Variants in MAP4K1 observed in about 807,000 individuals in gnomAD.
MAP4K1 encodes the protein mitogen-activated protein kinase kinase kinase kinase 1.
A neutral mutation model predicts 122.8 loss-of-function variants in MAP4K1; 35 were observed. That is an observed-to-expected ratio of 0.29 (90% CI 0.22 to 0.38). The LOEUF (loss-of-function observed/expected upper bound fraction) is 0.38. Among genes scored for constraint, MAP4K1 ranks in the 10% least tolerant of loss-of-function variants. The pLI is 1.00. For synonymous variants in MAP4K1, 412 were observed against 421.3 expected, an observed-to-expected ratio of 0.98 and a Z score of 0.27; for missense variants, 791 against 1,072.6, an observed-to-expected ratio of 0.74 and a Z score of 3.67.
In MAP4K1 at chr19:38,597,174, C is replaced by T; in HGVS notation, c.1838-37G>A. The T allele has an allele frequency of 1.9e-6, 3 of 1,606,794 alleles. No homozygotes were observed. Among genetic ancestry groups the T allele is most frequent in the Non-Finnish European group, 1.7e-6 (2 of 1,173,446 alleles). ...GCAAGGATGAGTCAAGATCAATGCC[C>T]TCTATCCTCCTCGCCACCCACACTA... is the stretch of plus-strand genomic sequence containing the variant. On this transcript the variant is annotated intron_variant, in intron 24 of 30. Transcript: ENST00000396857. The surrounding 1 kb of genome is among the most constrained non-coding windows in gnomAD (Gnocchi z 4.6).
At chr19:38,614,551 G>T in intron 4 of MAP4K1, 106 bp from the exon 5 acceptor site, 2 of 1,224,382 alleles carry the variant, frequency 1.6e-6, no homozygotes, top group Non-Finnish European at 2.4e-6. Flanking sequence ...ATAGGGAGAG[G>T]GGAAATAGGA....
intron 30 of MAP4K1, among the ~76,000 whole-genome samples, chr19:38,590,965 TCACACACA>T (rs58402161): frequency 0.022 from 2,961 of 137,376 alleles, 87 homozygotes; most frequent in African/African-American, 0.069. Flanking sequence ...CATTAAAAAA[TCACACACA>T]CACACACACA....
chr19:38,601,984 C>T (rs1364016901), intron 19 of MAP4K1, among the ~76,000 whole-genome samples: 1 of 151,990 alleles, frequency 6.6e-6, no homozygotes, highest in Non-Finnish European at 1.5e-5. Flanking sequence ...TGCCATGTTG[C>T]CCAGGCTGGT....
intron 19 of MAP4K1, among the ~76,000 whole-genome samples, chr19:38,602,639 CCT>C (rs1459227379): frequency 7.3e-6 from 1 of 137,114 alleles, no homozygotes; most frequent in African/African-American, 2.9e-5. Flanking sequence ...TATATACACA[CCT>C]ATACATATAT....
intron 30 of MAP4K1, among the ~76,000 whole-genome samples, chr19:38,591,981 A>T (rs918243884): frequency 1.3e-5 from 2 of 151,564 alleles, no homozygotes; most frequent in Non-Finnish European, 2.9e-5. Context: ...AAAAAAAAAA[A>T]AAAAATGCAG....
chr19:38,597,304 C>T lies in MAP4K1; in HGVS notation c.1837+22G>A. On this transcript the variant is annotated intron_variant, in intron 24 of 30. Coordinates refer to ENST00000396857, the MANE Select transcript of MAP4K1 (RefSeq NM_001042600.3). The surrounding 1 kb of genome is among the most constrained non-coding windows in gnomAD (Gnocchi z 4.6). ...GGCCTGGCCCCGCCCACTCTCTGCACACCCGTGAAGCTCTCTCTCACCCAC... is the reference window on the plus strand; with the variant it reads ...GGCCTGGCCCCGCCCACTCTCTGCATACCCGTGAAGCTCTCTCTCACCCAC... 1.2e-6 allele frequency: 2 copies of T among 1,613,868 alleles called. No individual in the cohort carries two copies. Among genetic ancestry groups the T allele is most frequent in the Non-Finnish European group, 1.7e-6 (2 of 1,179,994 alleles).
At chr19:38,595,421 A>G in intron 29 of MAP4K1, 64 bp downstream of exon 29, 1 of 1,555,686 alleles carries the variant, frequency 6.4e-7, no homozygotes, top group South Asian at 1.1e-5. Context: ...CTCGGAGCCC[A>G]TCTGATGAAT....
chr19:38,595,599 T>A, intron 28 of MAP4K1, 41 bp downstream of exon 28: 1 of 1,613,778 alleles, frequency 6.2e-7, no homozygotes, highest in Non-Finnish European at 8.5e-7. Context: ...ATCACTTGAG[T>A]TTCCACCCCT....
Position 38,611,961 on chromosome 19 carries a change from A to G in MAP4K1, c.665+650T>C, listed in dbSNP as rs902619341. On this transcript the variant is annotated intron_variant, in intron 9 of 30. Transcript: ENST00000396857. ...CAAAACATACAAAAATTAGCCAGGCATGGTGGCGTGCACCTGTAATCCCAC... is the reference window on the plus strand; with the variant it reads ...CAAAACATACAAAAATTAGCCAGGCGTGGTGGCGTGCACCTGTAATCCCAC... Among the ~76,000 whole-genome samples, 3 of 151,854 alleles carry G rather than the reference A, an allele frequency of 2.0e-5. No individual in the cohort carries two copies. The East Asian group carries it at 5.8e-4, about 29-fold the overall frequency.
chr19:38,594,957 TTATCTATC>T (rs4018120), intron 29 of MAP4K1, among the ~76,000 whole-genome samples: 2,473 of 146,634 alleles, frequency 0.017, 38 homozygotes, highest in African/African-American at 0.037. Context: ...TAAATAAATT[TTATCTATC>T]TATCTATCTA....
At chr19:38,599,163 T>C (rs1974983703) in intron 22 of MAP4K1, among the ~76,000 whole-genome samples, 1 of 141,776 alleles carries the variant, frequency 7.1e-6, no homozygotes, top group Non-Finnish European at 1.5e-5. Context: ...ACCCCATCTC[T>C]ACTAAAAATA....
At chr19:38,605,519 C>A in intron 18 of MAP4K1, 28 bp from the exon 19 acceptor site, 1 of 1,539,568 alleles carries the variant, frequency 6.5e-7, no homozygotes, top group South Asian at 1.2e-5. Context: ...AAAATCAGCC[C>A]CCAAGAACCC....
In MAP4K1 at chr19:38,597,204, C is replaced by T. The variant is rs2144704026; in HGVS notation, c.1838-67G>A. ...TCCTCCTCGCCACCCACACTACCAC[C>T]CATCTTCTGGGTTCTGGACACATTG... On this transcript the variant is annotated intron_variant, in intron 24 of 30. Coordinates refer to ENST00000396857, the MANE Select transcript of MAP4K1 (RefSeq NM_001042600.3). The surrounding 1 kb of genome is among the most constrained non-coding windows in gnomAD (Gnocchi z 4.6). The T allele has an allele frequency of 6.3e-7, 1 of 1,596,876 alleles. No homozygotes were observed. Among genetic ancestry groups the T allele is most frequent in the Non-Finnish European group, 8.6e-7 (1 of 1,164,744 alleles).
chr19:38,598,774 G>A (rs1476006060), intron 22 of MAP4K1, among the ~76,000 whole-genome samples: 1 of 152,120 alleles, frequency 6.6e-6, no homozygotes, highest in Non-Finnish European at 1.5e-5. Context: ...AGCACTTTGG[G>A]GGGCTGAGAC....
intron 11 of MAP4K1, among the ~76,000 whole-genome samples, chr19:38,610,372 ATTTTTTTTTT>A (rs35103992): frequency 1.8e-4 from 14 of 76,196 alleles, no homozygotes; most frequent in South Asian, 5.2e-4. Flanking sequence ...CGCCCAGCTA[ATTTTTTTTTT>A]TTTTTTTTTT....
In MAP4K1 at chr19:38,597,664, T is replaced by C; in HGVS notation, c.1670-70A>G. ...CCCATATACCACTTCCTTTCCTCCA[T>C]CCCTTCCCTCAGCCCCATCCCTTTG... On this transcript the variant is annotated intron_variant, in intron 22 of 30. Transcript: ENST00000396857. This position sits in a 1 kb window ranked among gnomAD's most constrained non-coding sequence, Gnocchi z 4.6. The C allele has an allele frequency of 9.9e-7, 1 of 1,008,284 alleles. No individual in the cohort carries two copies. Among genetic ancestry groups the C allele is most frequent in the Non-Finnish European group, 1.5e-6 (1 of 682,700 alleles). 62.5% of individuals were successfully genotyped at this position (1,008,284 alleles called of 1,614,324 possible). A position where few individuals can be genotyped will look rare whatever the true frequency, so the allele number is the denominator to read the frequency against.
At position 38,617,940 on chromosome 19, in the gene MAP4K1, C is replaced by T. The variant is rs762563379; in HGVS notation, c.-45G>A. ...GCCTGCGCCCAGGGGCCAGCAGGGC[C>T]TCAGGGCTCAACTTCTGGCACCTCC... is the stretch of plus-strand genomic sequence containing the variant. On this transcript the variant is annotated 5_prime_UTR_variant, in exon 1 of 31. Coordinates refer to ENST00000396857, the MANE Select transcript of MAP4K1 (RefSeq NM_001042600.3). The surrounding 1 kb of genome is among the most constrained non-coding windows in gnomAD (Gnocchi z 4.1). 2 of 1,544,062 alleles carry T rather than the reference C, an allele frequency of 1.3e-6. No individual in the cohort carries two copies. Among genetic ancestry groups the T allele is most frequent in the Admixed American group, 1.7e-5 (1 of 59,690 alleles).
intron 4 of MAP4K1, 51 bp from the exon 5 acceptor site, chr19:38,614,496 C>A (rs1975590247): frequency 6.2e-7 from 1 of 1,609,470 alleles, no homozygotes; most frequent in African/African-American, 1.3e-5. Context: ...GCCAGGGAAC[C>A]TGGGCTGGGG....
intron 29 of MAP4K1, among the ~76,000 whole-genome samples, chr19:38,595,189 C>T (rs893092748): frequency 1.4e-5 from 2 of 146,032 alleles, no homozygotes; most frequent in African/African-American, 2.5e-5. Flanking sequence ...CTTGGGAGGC[C>T]GAGGCAGGAG....
Sources: allele counts gnomAD v4.1 joint callset (sites outside exome capture counted in the v4.1 genomes callset), GRCh38; gene constraint gnomAD v4.1.1; non-coding constraint Gnocchi (gnomAD v3.1); transcripts MANE v1.5; gene names NCBI Gene and HGNC (gene_info 2026-07-23, HGNC 2026-07-21).